Variants in ADCY2 observed in about 807,000 individuals in gnomAD.
The protein encoded by ADCY2 is adenylate cyclase type 2.
In ADCY2, 31 loss-of-function variants were observed where a neutral mutation model predicts 125.2. That is an observed-to-expected ratio of 0.25 (90% CI 0.19 to 0.33). The LOEUF is 0.33. ADCY2 is among the 10% of genes least tolerant of loss of function. The pLI is 1.00. For synonymous variants in ADCY2, 512 were observed against 548.4 expected, an observed-to-expected ratio of 0.93 and a Z score of 0.93; for missense variants, 904 against 1,418.2, an observed-to-expected ratio of 0.64 and a Z score of 5.82.
intron 2 of ADCY2, among the ~76,000 whole-genome samples, chr5:7,433,283 A>C (rs1335290010): frequency 6.6e-6 from 1 of 152,228 alleles, no homozygotes; most frequent in Non-Finnish European, 1.5e-5. Context: ...AAGTTTACTT[A>C]AGGAGGAGAC....
At chr5:7,753,186 A>C (rs965340505) in intron 15 of ADCY2, among the ~76,000 whole-genome samples, 5 of 152,134 alleles carry the variant, frequency 3.3e-5, no homozygotes, top group African/African-American at 1.2e-4. Context: ...CGTGAGCCAC[A>C]GTGCCTGGCT....
intron 4 of ADCY2, among the ~76,000 whole-genome samples, chr5:7,686,405 T>C (rs1740523251): frequency 6.6e-6 from 1 of 152,172 alleles, no homozygotes; most frequent in Non-Finnish European, 1.5e-5. Flanking sequence ...CTAAGAAAAA[T>C]GTATTGCTAA....
At chr5:7,789,829 G>T in intron 20 of ADCY2, 29 bp downstream of exon 20, 2 of 1,357,934 alleles carry the variant, frequency 1.5e-6, no homozygotes, top group Non-Finnish European at 2.0e-6. Context: ...GGGGCTGGGG[G>T]AGGGGGCTGG....
At chr5:7,725,482 G>A (rs1174034542) in intron 13 of ADCY2, among the ~76,000 whole-genome samples, 1 of 151,902 alleles carries the variant, frequency 6.6e-6, no homozygotes, top group African/African-American at 2.4e-5. Flanking sequence ...TTATGTTGGT[G>A]GTCAAGAGGA....
rs1031218490 is a variant in ADCY2 at position 7,567,961 on chromosome 5, C to G, written c.570+47062C>G. Among the ~76,000 whole-genome samples, 8 of 144,484 alleles carry G rather than the reference C, an allele frequency of 5.5e-5. No individual in the cohort carries two copies. The East Asian group carries it at 1.2e-3, about 23-fold the overall frequency. 94.8% of individuals were successfully genotyped at this position (144,484 alleles called of 152,430 possible). On this transcript the variant is annotated intron_variant, in intron 3 of 24. Coordinates refer to ENST00000338316, the MANE Select transcript of ADCY2 (RefSeq NM_020546.3). The stretch of plus-strand genomic sequence containing the variant: ...TCTCTCTCTCTCTCTCTCTCTCTCT[C>G]TGTCAGATGTCTTCTGTCTTTAACT...
chr5:7,506,824 G>GTCA (rs1441913590), intron 2 of ADCY2, among the ~76,000 whole-genome samples: 2 of 68,594 alleles, frequency 2.9e-5, no homozygotes, highest in East Asian at 9.5e-4. Context: ...TTTTTGCTCT[G>GTCA]TCACCCAGGC....
rs543061714 is a variant in ADCY2, at chr5:7,666,059, C to A, written c.721-24632C>A. Reference sequence around the variant, plus strand: ...TTCACCATGTTAGCCAGGATGGTCTCGATCTCCTGACCTCGTGATCCGCCC... The same window carrying A: ...TTCACCATGTTAGCCAGGATGGTCTAGATCTCCTGACCTCGTGATCCGCCC... On this transcript the variant is annotated intron_variant, in intron 4 of 24. Coordinates refer to ENST00000338316, the MANE Select transcript of ADCY2 (RefSeq NM_020546.3). 2.6e-5 allele frequency among the ~76,000 whole-genome samples: 4 copies of A among 151,234 alleles called. No homozygotes were observed. In the South Asian group the frequency reaches 8.4e-4, roughly 32 times the overall value.
chr5:7,399,329 T>A (rs181881161), intron 1 of ADCY2, among the ~76,000 whole-genome samples: 1 of 152,152 alleles, frequency 6.6e-6, no homozygotes, highest in Non-Finnish European at 1.5e-5. Flanking sequence ...TACATAGAGA[T>A]TTTTTTGCTG....
At chr5:7,732,429 A>G (rs1180268168) in intron 14 of ADCY2, among the ~76,000 whole-genome samples, 2 of 152,174 alleles carry the variant, frequency 1.3e-5, no homozygotes. Flanking sequence ...CCTTGGGTAG[A>G]CATCAATCCT....
intron 7 of ADCY2, among the ~76,000 whole-genome samples, chr5:7,703,565 T>C (rs887739045): frequency 1.6e-4 from 24 of 152,282 alleles, no homozygotes; most frequent in Admixed American, 4.6e-4. Context: ...GAGGGCTCTG[T>C]TCTGTTCCGT....
At chr5:7,478,833 G>T (rs1047058035) in intron 2 of ADCY2, among the ~76,000 whole-genome samples, 2 of 152,086 alleles carry the variant, frequency 1.3e-5, no homozygotes, top group African/African-American at 4.8e-5. Context: ...CCTTCTATAT[G>T]ACCACAGCTG....
intron 17 of ADCY2, among the ~76,000 whole-genome samples, chr5:7,769,491 C>A (rs562192077): frequency 1.3e-5 from 2 of 152,204 alleles, no homozygotes; most frequent in East Asian, 1.9e-4. Context: ...GCTGGAAACA[C>A]CTATACAAAT....
chr5:7,631,853 T>TG (rs1326894930), intron 4 of ADCY2, among the ~76,000 whole-genome samples: 20 of 152,100 alleles, frequency 1.3e-4, no homozygotes, highest in Non-Finnish European at 2.9e-5. Context: ...CATGTGGTGG[T>TG]GAGTTATTCA....
intron 17 of ADCY2, 100 bp from the exon 18 acceptor site, chr5:7,772,832 G>C: frequency 1.7e-6 from 2 of 1,162,070 alleles, no homozygotes; most frequent in Non-Finnish European, 1.2e-6. Flanking sequence ...CACCTTATAT[G>C]TTGACCAGAT....
chr5:7,632,942 T>A (rs1047750013), intron 4 of ADCY2, among the ~76,000 whole-genome samples: 1 of 152,180 alleles, frequency 6.6e-6, no homozygotes, highest in Non-Finnish European at 1.5e-5. Context: ...CAATGAAGAT[T>A]GTGCTATGAC....
At chr5:7,450,660 A>G (rs1197639802) in intron 2 of ADCY2, among the ~76,000 whole-genome samples, 2 of 152,224 alleles carry the variant, frequency 1.3e-5, no homozygotes, top group African/African-American at 2.4e-5. Context: ...TTATAAGAAG[A>G]TGTCCTCTAG....
intron 15 of ADCY2, among the ~76,000 whole-genome samples, chr5:7,749,922 A>ATCCC (rs1338016360): frequency 6.6e-6 from 1 of 152,120 alleles, no homozygotes; most frequent in Non-Finnish European, 1.5e-5. Flanking sequence ...TCCTGTCAAT[A>ATCCC]TCCCTCCACC....
chr5:7,740,945 G>T (rs1472324352), intron 14 of ADCY2, among the ~76,000 whole-genome samples: 3 of 151,884 alleles, frequency 2.0e-5, no homozygotes, highest in Non-Finnish European at 4.4e-5. Flanking sequence ...AGTTGAATCG[G>T]AAACTAATTA....
intron 16 of ADCY2, among the ~76,000 whole-genome samples, chr5:7,762,859 T>C (rs1431122596): frequency 6.6e-6 from 1 of 152,084 alleles, no homozygotes; most frequent in Non-Finnish European, 1.5e-5. Context: ...TAACAGTTAT[T>C]TGTGTTGGTG....
Sources: gnomAD v4.1 joint callset for allele counts (sites outside exome capture counted in the v4.1 genomes callset) on GRCh38, gnomAD v4.1.1 for gene constraint, MANE v1.5 for transcripts, NCBI Gene and HGNC (gene_info 2026-07-23, HGNC 2026-07-21) for gene names.